Variants in WDPCP observed in about 807,000 individuals in gnomAD.
The protein encoded by WDPCP is WD repeat-containing and planar cell polarity effector protein fritz homolog.
A neutral mutation model predicts 93.1 loss-of-function variants in WDPCP; 71 were observed. That is an observed-to-expected ratio of 0.76 (90% CI 0.63 to 0.93). The LOEUF (loss-of-function observed/expected upper bound fraction) is 0.93. Among genes scored for constraint, WDPCP ranks in the 40% least tolerant of loss-of-function variants. The pLI is 0.00. For missense variants in WDPCP, 844 were observed against 887.4 expected, an observed-to-expected ratio of 0.95 and a Z score of 0.62; for synonymous variants, 315 against 315.0, an observed-to-expected ratio of 1.00 and a Z score of 0.00.
intron 12 of WDPCP, among the ~76,000 whole-genome samples, chr2:63,337,630 A>T (rs1413371524): frequency 1.3e-5 from 2 of 152,214 alleles, no homozygotes; most frequent in African/African-American, 4.8e-5. Context: ...CCAACGGTGT[A>T]TAAGAATTCC....
At chr2:63,207,001 G>T (rs902310702) in intron 14 of WDPCP, among the ~76,000 whole-genome samples, 4 of 152,022 alleles carry the variant, frequency 2.6e-5, no homozygotes, top group African/African-American at 7.2e-5. Flanking sequence ...CTTTTCTCCA[G>T]CTCTTGACAA....
In WDPCP at chr2:63,239,427, T is replaced by C. The variant is rs116998167; in HGVS notation, c.1915+19880A>G. ...TGGTTATATGAAGCCATTTTGTAAA[T>C]TGTAAAATGGTAAAAACAGGTGAAG... On this transcript the variant is annotated intron_variant, in intron 14 of 17. Transcript: ENST00000272321. Among the ~76,000 whole-genome samples the C allele has an allele frequency of 6.5e-4, 99 of 152,284 alleles. 1 individual carries two copies. The East Asian group carries it at 0.018, about 27-fold the overall frequency.
chr2:63,511,861 C>A (rs1161562311), intron 1 of WDPCP, among the ~76,000 whole-genome samples: 2 of 152,306 alleles, frequency 1.3e-5, no homozygotes, highest in African/African-American at 4.8e-5. Context: ...GACTAAAACA[C>A]TACAAGCAAT....
At chr2:63,578,129 G>A (rs1176280147) in intron 1 of WDPCP, among the ~76,000 whole-genome samples, 1 of 151,994 alleles carries the variant, frequency 6.6e-6, no homozygotes, top group Admixed American at 6.6e-5. Flanking sequence ...CTCTTAATCA[G>A]GCCAAATTAA....
rs181035495 is a variant in WDPCP, at chr2:63,697,355, C to T, written n.309-46517G>A. 2.5e-3 allele frequency among the ~76,000 whole-genome samples: 388 copies of T among 152,232 alleles called. 2 individuals carry two copies. The highest frequency in any genetic ancestry group is 7.1e-3 in the African/African-American group (293 of 41,550). On this transcript the variant is annotated intron_variant and non_coding_transcript_variant, in intron 2 of 4. Transcript: ENST00000467687. ...CAAGGGTCACACGGTAAGTGATGAG[C>T]CAAGATTCAAATTCAGATAGATCCA... is the stretch of plus-strand genomic sequence containing the variant.
chr2:63,437,811 A>G (rs1697237747), intron 7 of WDPCP: 1 of 1,547,394 alleles, frequency 6.5e-7, no homozygotes, highest in African/African-American at 1.4e-5. Flanking sequence ...AATGGATGAG[A>G]TGTATTTAGA....
intron 12 of WDPCP, among the ~76,000 whole-genome samples, chr2:63,315,390 T>C (rs1686557951): frequency 1.4e-5 from 2 of 148,000 alleles, no homozygotes; most frequent in African/African-American, 2.5e-5. Flanking sequence ...TGCCCCTAAC[T>C]TTCACAGAAA....
chr2:63,818,184 C>T (rs1022225737), intron 1 of WDPCP, among the ~76,000 whole-genome samples: 2 of 152,156 alleles, frequency 1.3e-5, no homozygotes, highest in African/African-American at 4.8e-5. Flanking sequence ...TAAGCAATCC[C>T]AAGGCACTAT....
intron 14 of WDPCP, among the ~76,000 whole-genome samples, chr2:63,221,170 G>C (rs1276709665): frequency 6.6e-6 from 1 of 152,102 alleles, no homozygotes; most frequent in Non-Finnish European, 1.5e-5. Flanking sequence ...TTTCAACAAT[G>C]AGATAAGAGA....
intron 17 of WDPCP, among the ~76,000 whole-genome samples, chr2:63,126,678 T>G (rs1405775717): frequency 2.7e-5 from 4 of 148,768 alleles, no homozygotes; most frequent in East Asian, 1.9e-4. Context: ...TTTTTTTTTT[T>G]TTTTTTTTTT....
chr2:63,164,666 ATTTC>A (rs1672842685), intron 15 of WDPCP, among the ~76,000 whole-genome samples: 1 of 152,192 alleles, frequency 6.6e-6, no homozygotes, highest in African/African-American at 2.4e-5. Flanking sequence ...AGTCTCAGGT[ATTTC>A]TTTATAAGAA....
intron 12 of WDPCP, among the ~76,000 whole-genome samples, chr2:63,326,140 G>A (rs182048601): frequency 1.3e-5 from 2 of 152,290 alleles, no homozygotes; most frequent in Non-Finnish European, 2.9e-5. Context: ...TCGGACAACC[G>A]CCTACTTAGA....
intron 3 of WDPCP, among the ~76,000 whole-genome samples, chr2:63,645,812 T>C (rs867245719): frequency 3.9e-5 from 6 of 152,352 alleles, no homozygotes; most frequent in Non-Finnish European, 7.4e-5. Flanking sequence ...CTGATATAAG[T>C]ATAGCTACTC....
intron 3 of WDPCP, among the ~76,000 whole-genome samples, chr2:63,601,698 A>G (rs1197976450): frequency 6.6e-6 from 1 of 152,216 alleles, no homozygotes; most frequent in Non-Finnish European, 1.5e-5. Context: ...GAGGAGGGCA[A>G]CAAGAACAAA....
intron 2 of WDPCP, among the ~76,000 whole-genome samples, chr2:63,782,858 AGAAAT>A (rs1057505528): frequency 6.6e-6 from 1 of 152,052 alleles, no homozygotes; most frequent in Non-Finnish European, 1.5e-5. Context: ...AAATGGAGAG[AGAAAT>A]GGGCAGTTAG....
rs141697389 is a variant in WDPCP, at chr2:63,756,162, T to C, written n.308+57460A>G. On this transcript the variant is annotated intron_variant and non_coding_transcript_variant, in intron 2 of 4. Coordinates refer to the WDPCP transcript ENST00000467687. ...CAGTGAACTGGAATTCAGAATGTTATTGATTTTTCCTAAACATTTAACAAC... is the reference window on the plus strand; with the variant it reads ...CAGTGAACTGGAATTCAGAATGTTACTGATTTTTCCTAAACATTTAACAAC... Among the ~76,000 whole-genome samples the C allele has an allele frequency of 1.9e-3, 294 of 152,358 alleles. 1 individual carries two copies. Among genetic ancestry groups the C allele is most frequent in the East Asian group, 0.019 (99 of 5,194 alleles).
chr2:63,252,004 T>C (rs1680766295), intron 14 of WDPCP, among the ~76,000 whole-genome samples: 2 of 151,998 alleles, frequency 1.3e-5, no homozygotes, highest in African/African-American at 2.4e-5. Flanking sequence ...CACAGGCCAA[T>C]ATGCCTGATG....
intron 3 of WDPCP, among the ~76,000 whole-genome samples, chr2:63,634,224 T>C (rs559745517): frequency 5.9e-5 from 9 of 152,144 alleles, no homozygotes; most frequent in African/African-American, 1.7e-4. Context: ...AGATAGTCCA[T>C]GCAAATGGAA....
At chr2:63,293,103 T>C (rs1684569160) in intron 13 of WDPCP, among the ~76,000 whole-genome samples, 1 of 152,170 alleles carries the variant, frequency 6.6e-6, no homozygotes, top group Non-Finnish European at 1.5e-5. Context: ...CCCTCATTAT[T>C]GCAAACCCCT....
Sources: allele counts gnomAD v4.1 joint callset (sites outside exome capture counted in the v4.1 genomes callset), GRCh38; gene constraint gnomAD v4.1.1; transcripts MANE v1.5; gene names NCBI Gene and HGNC (gene_info 2026-07-23, HGNC 2026-07-21).